ANKRD17: variants seen among roughly 807,000 people sequenced by gnomAD.
The protein encoded by ANKRD17 is ankyrin repeat domain 17, also known as ankyrin repeat domain-containing protein 17.
Under a neutral mutation model 229.7 loss-of-function variants are expected in ANKRD17, and 19 were observed. The ratio of observed to expected loss-of-function variants is 0.08; its 90% CI spans 0.06 to 0.12. The LOEUF (loss-of-function observed/expected upper bound fraction) is 0.12. Among genes scored for constraint, ANKRD17 ranks in the 10% least tolerant of loss-of-function variants. The pLI, the probability that ANKRD17 is intolerant of heterozygous loss-of-function variation, is 1.00. For missense variants in ANKRD17, 2,176 were observed against 3,176.8 expected (o/e 0.68, Z 7.57); for synonymous variants, 1,112 against 1,146.1 (o/e 0.97, Z 0.60).
chr4:73,094,371 CTAGAT>C (rs1723080101), intron 27 of ANKRD17, 143 bp from the exon 28 acceptor site: 5 of 743,586 alleles, frequency 6.7e-6, no homozygotes, highest in Non-Finnish European at 1.1e-5. Context: ...TACTCTTACT[CTAGAT>C]GAACAGAGAA....
At chr4:73,184,176 AGAGAAGAATGG>A (rs1735955075) in intron 1 of ANKRD17, among the ~76,000 whole-genome samples, 2 of 152,200 alleles carry the variant, frequency 1.3e-5, no homozygotes, top group African/African-American at 4.8e-5. Context: ...CTGCCATACT[AGAGAAGAATGG>A]TTCGTTCTGT....
At chr4:73,151,820 C>T (rs1731031720) in intron 6 of ANKRD17, among the ~76,000 whole-genome samples, 1 of 152,002 alleles carries the variant, frequency 6.6e-6, no homozygotes, top group African/African-American at 2.4e-5. Flanking sequence ...TTTTAAGAGC[C>T]CAGGCATGTT....
intron 18 of ANKRD17, among the ~76,000 whole-genome samples, chr4:73,123,196 A>T (rs1726986656): frequency 6.6e-6 from 1 of 152,086 alleles, no homozygotes; most frequent in Admixed American, 6.6e-5. Context: ...TTGACTCAAT[A>T]TTGAAAAAAT....
rs1320401229 is a variant in ANKRD17 at position 73,148,855 on chromosome 4, G to T, written c.1525C>A (p.Arg509=). 21 of 1,613,670 alleles carry T rather than the reference G, an allele frequency of 1.3e-5. No individual in the cohort carries two copies. In the Admixed American group the frequency reaches 3.5e-4, roughly 27 times the overall value. Residue 509 remains arginine (R), a synonymous_variant, in exon 8 of 34, where the codon CGA becomes AGA. Coordinates refer to ENST00000358602, the MANE Select transcript of ANKRD17 (RefSeq NM_032217.5). ...EGYTPLMEAA[R]EGHEEMVALL... is the part of the protein sequence containing the mutation. Reference sequence around the variant, plus strand: ...GCCACCATTTCTTCATGTCCTTCTCGAGCTGCTTCCATCAATGGTGTATAA... The same window carrying T: ...GCCACCATTTCTTCATGTCCTTCTCTAGCTGCTTCCATCAATGGTGTATAA...
intron 16 of ANKRD17, among the ~76,000 whole-genome samples, chr4:73,131,356 C>A (rs898342960): frequency 1.1e-4 from 16 of 152,206 alleles, no homozygotes; most frequent in African/African-American, 3.6e-4. Context: ...TAGCTCCTGT[C>A]TAAAATGTTC....
intron 1 of ANKRD17, among the ~76,000 whole-genome samples, chr4:73,189,813 A>T (rs1736807507): frequency 6.6e-6 from 1 of 152,120 alleles, no homozygotes; most frequent in South Asian, 2.1e-4. Flanking sequence ...TTTCTTCTCC[A>T]TAAAAAAAAA....
intron 1 of ANKRD17, among the ~76,000 whole-genome samples, chr4:73,229,787 G>A (rs542790432): frequency 6.6e-6 from 1 of 152,104 alleles, no homozygotes; most frequent in East Asian, 1.9e-4. Flanking sequence ...AGTAAGTTGT[G>A]AAAAGATGCT....
intron 8 of ANKRD17, among the ~76,000 whole-genome samples, chr4:73,148,123 G>A (rs1730530362): frequency 6.6e-6 from 1 of 152,122 alleles, no homozygotes; most frequent in South Asian, 2.1e-4. Flanking sequence ...TAAGAAGTCT[G>A]CTCCAAAACC....
Position 73,097,122 on chromosome 4 carries a change from T to C in ANKRD17, c.5172A>G (p.Val1724=), listed in dbSNP as rs892792045. 11 of 1,610,104 alleles carry C rather than the reference T, an allele frequency of 6.8e-6. No homozygotes were observed. Among genetic ancestry groups the C allele is most frequent in the South Asian group, 4.4e-5 (4 of 90,086 alleles). The part of the protein sequence containing the change: ...QKREEGWKEV[V]RRSKKVSVPS... ...TGACAAAAACAATTACTCACCTTCTTACAACTTCTTTCCATCCTTCTTCCC... is the reference window on the plus strand; with the variant it reads ...TGACAAAAACAATTACTCACCTTCTCACAACTTCTTTCCATCCTTCTTCCC... The change falls in exon 27 of 34, where the codon GTA becomes GTG. Residue 1724 remains valine, a synonymous_variant. Coordinates refer to ENST00000358602, the MANE Select transcript of ANKRD17 (RefSeq NM_032217.5).
At chr4:73,226,600 G>C (rs1056883829) in intron 1 of ANKRD17, among the ~76,000 whole-genome samples, 3 of 150,284 alleles carry the variant, frequency 2.0e-5, no homozygotes, top group Non-Finnish European at 4.4e-5. Context: ...TCACCATGTT[G>C]ACCAGGCTGG....
At chr4:73,169,031 T>C (rs548518785) in intron 2 of ANKRD17, 2 of 152,370 alleles carry the variant, frequency 1.3e-5, no homozygotes, top group South Asian at 4.1e-4. Flanking sequence ...ACGTGGCATT[T>C]GTTTTTTTGT....
Position 73,097,279 on chromosome 4 carries a change from C to G in ANKRD17, c.5022-7G>C, listed in dbSNP as rs753759253. ...ACTGATAGTTTCTGACAATCTTTAA[C>G]AAAGAGAGGGAAAGTACATTAAATA... On this transcript the variant is annotated splice_polypyrimidine_tract_variant and splice_region_variant and intron_variant, in intron 26 of 33. Transcript: ENST00000358602. The G allele has an allele frequency of 2.6e-6, 4 of 1,566,244 alleles. No individual in the cohort carries two copies. In the South Asian group the frequency reaches 4.9e-5, roughly 19 times the overall value.
In ANKRD17 at chr4:73,103,828, G is replaced by GT. The variant is rs33952344; in HGVS notation, c.4402-1282dup. On this transcript the variant is annotated intron_variant, in intron 24 of 33. Transcript: ENST00000358602. Reference sequence around the variant, plus strand: ...CTGCCTTTCAAATTAACCCTCTCCGGTTTTTTTTTTTTTTAAGCCAAATTT... The same window carrying GT: ...CTGCCTTTCAAATTAACCCTCTCCGGTTTTTTTTTTTTTTTAAGCCAAATTT... Among the ~76,000 whole-genome samples, 555 of 146,338 alleles carry GT rather than the reference G, an allele frequency of 3.8e-3. 2 individuals are homozygous for GT. Among genetic ancestry groups the GT allele is most frequent in the South Asian group, 0.018 (81 of 4,584 alleles).
intron 15 of ANKRD17, among the ~76,000 whole-genome samples, chr4:73,135,497 CCT>C (rs1045709737): frequency 3.9e-5 from 6 of 152,018 alleles, no homozygotes; most frequent in Admixed American, 2.0e-4. Context: ...AACAAATTCC[CCT>C]GTTATAAGCA....
chr4:73,250,551 G>A (rs937283499), intron 1 of ANKRD17, among the ~76,000 whole-genome samples: 2 of 111,716 alleles, frequency 1.8e-5, no homozygotes, highest in Non-Finnish European at 3.3e-5. Context: ...AGTGAGCCGA[G>A]AGCACGCCAC....
At chr4:73,244,224 C>T (rs1239561470) in intron 1 of ANKRD17, among the ~76,000 whole-genome samples, 1 of 152,132 alleles carries the variant, frequency 6.6e-6, no homozygotes, top group African/African-American at 2.4e-5. Context: ...AGTACAATCA[C>T]ATTCTGAAAT....
At chr4:73,134,795 C>T (rs1279512788) in intron 16 of ANKRD17, among the ~76,000 whole-genome samples, 1 of 151,804 alleles carries the variant, frequency 6.6e-6, no homozygotes, top group Non-Finnish European at 1.5e-5. Flanking sequence ...ATATTTCAAA[C>T]CATATCTTCT....
At chr4:73,085,810 T>G (rs1409880042) in intron 29 of ANKRD17, among the ~76,000 whole-genome samples, 3 of 147,024 alleles carry the variant, frequency 2.0e-5, no homozygotes, top group Non-Finnish European at 4.5e-5. Flanking sequence ...CAGGATAGAC[T>G]GCCTCTACAA....
Position 73,079,977 on chromosome 4 carries a change from G to A in ANKRD17, c.7160-1087C>T, listed in dbSNP as rs551394362. On this transcript the variant is annotated intron_variant, in intron 30 of 33. Coordinates refer to ENST00000358602, the MANE Select transcript of ANKRD17 (RefSeq NM_032217.5). ...AAAAATTAGCCGGGCGTGGTGGCAC[G>A]CGCCTGTAGTCCCAGCTACTCAGGA... is the stretch of plus-strand genomic sequence containing the variant. 5.9e-5 allele frequency among the ~76,000 whole-genome samples: 9 copies of A among 152,038 alleles called. No individual in the cohort carries two copies. The East Asian group carries it at 7.8e-4, about 13-fold the overall frequency.
Sources: allele counts gnomAD v4.1 joint callset (sites outside exome capture counted in the v4.1 genomes callset), GRCh38; gene constraint gnomAD v4.1.1; transcripts MANE v1.5; gene names NCBI Gene and HGNC (gene_info 2026-07-23, HGNC 2026-07-21).